RBFOX1: variants seen among roughly 807,000 people sequenced by gnomAD.
RBFOX1 encodes the protein RNA binding fox-1 homolog 1.
Under a neutral mutation model 57.7 loss-of-function variants are expected in RBFOX1, and 8 were observed. The observed-to-expected ratio is 0.14, with a 90% CI of 0.08 to 0.25. RBFOX1 has a LOEUF of 0.25. Ranked by LOEUF, RBFOX1 falls within the 10% of genes least tolerant of loss-of-function variation. The probability of loss-of-function intolerance (pLI) is 1.00; values close to 1 mark genes in which losing one functional copy is unlikely to be tolerated. For synonymous variants in RBFOX1, 326 were observed against 222.4 expected, an observed-to-expected ratio of 1.47 and a Z score of -4.15; for missense variants, 611 against 548.5, an observed-to-expected ratio of 1.11 and a Z score of -1.14.
At chr16:6,763,748 C>T (rs2076952853) in intron 3 of RBFOX1, among the ~76,000 whole-genome samples, 1 of 152,216 alleles carries the variant, frequency 6.6e-6, no homozygotes, top group East Asian at 1.9e-4. Context: ...TCCAAAACCA[C>T]TGGACGGATT....
chr16:7,078,357 T>G (rs2153791582), intron 4 of RBFOX1, among the ~76,000 whole-genome samples: 1 of 152,286 alleles, frequency 6.6e-6, no homozygotes, highest in African/African-American at 2.4e-5. Flanking sequence ...TATACTTTAT[T>G]TATTTATTTA....
intron 3 of RBFOX1, among the ~76,000 whole-genome samples, chr16:6,735,885 T>G (rs1422618989): frequency 6.6e-6 from 1 of 151,974 alleles, no homozygotes; most frequent in Non-Finnish European, 1.5e-5. Context: ...CCTCTGGAAA[T>G]AAGCAGATGG....
chr16:7,319,063 T>C (rs2096496072), intron 4 of RBFOX1, among the ~76,000 whole-genome samples: 1 of 152,152 alleles, frequency 6.6e-6, no homozygotes. Context: ...CCAGTGCCAA[T>C]TTTTTTCTTC....
chr16:6,389,679 C>G (rs1240839784), intron 2 of RBFOX1, among the ~76,000 whole-genome samples: 1 of 152,140 alleles, frequency 6.6e-6, no homozygotes, highest in Admixed American at 6.5e-5. Context: ...GTAGGTTTTT[C>G]TCAGTGCTAA....
intron 2 of RBFOX1, among the ~76,000 whole-genome samples, chr16:6,446,547 A>C (rs1024422250): frequency 6.6e-6 from 1 of 152,182 alleles, no homozygotes; most frequent in African/African-American, 2.4e-5. Context: ...TCTGTATTCA[A>C]GTGATGAATG....
intron 3 of RBFOX1, among the ~76,000 whole-genome samples, chr16:5,639,774 G>C (rs536793897): frequency 6.8e-4 from 103 of 152,330 alleles, no homozygotes; most frequent in African/African-American, 2.5e-3. Context: ...GTCTGGCAAA[G>C]AGTGGGTGTG....
intron 2 of RBFOX1, among the ~76,000 whole-genome samples, chr16:6,456,132 G>C (rs2094765839): frequency 6.6e-6 from 1 of 152,140 alleles, no homozygotes; most frequent in African/African-American, 2.4e-5. Flanking sequence ...TCTGTTGCTG[G>C]GGTTTTGATA....
chr16:5,634,886 A>C (rs927311869), intron 3 of RBFOX1, among the ~76,000 whole-genome samples: 1 of 152,168 alleles, frequency 6.6e-6, no homozygotes, highest in Non-Finnish European at 1.5e-5. Flanking sequence ...TTTACTCACA[A>C]GTGTTTATAT....
chr16:6,849,428 G>T (rs1376521346), intron 3 of RBFOX1, among the ~76,000 whole-genome samples: 1 of 152,200 alleles, frequency 6.6e-6, no homozygotes, highest in Non-Finnish European at 1.5e-5. Flanking sequence ...TAACACTTGG[G>T]AGGCTGAGGC....
At chr16:6,924,292 C>T (rs1307869245) in intron 3 of RBFOX1, among the ~76,000 whole-genome samples, 3 of 152,116 alleles carry the variant, frequency 2.0e-5, no homozygotes, top group Non-Finnish European at 4.4e-5. Context: ...AGCATCTGCT[C>T]TGCTTCTGGT....
chr16:7,030,382 A>G (rs1432306672), intron 3 of RBFOX1, among the ~76,000 whole-genome samples: 2 of 152,316 alleles, frequency 1.3e-5, no homozygotes, highest in East Asian at 3.9e-4. Context: ...TTAAAACAAC[A>G]GAAGTTTATT....
At chr16:5,943,922 C>G (rs745421495) in intron 4 of RBFOX1, among the ~76,000 whole-genome samples, 8 of 151,926 alleles carry the variant, frequency 5.3e-5, no homozygotes, top group East Asian at 1.9e-4. Context: ...TCCACTCCTC[C>G]TCTGTCTTTC....
chr16:6,312,862 C>G (rs538592825), intron 1 of RBFOX1, among the ~76,000 whole-genome samples: 2 of 152,142 alleles, frequency 1.3e-5, no homozygotes, highest in East Asian at 1.9e-4. Context: ...AAATAGTGAG[C>G]AAAACCCACA....
intron 1 of RBFOX1, among the ~76,000 whole-genome samples, chr16:5,368,816 ATTCT>A (rs1283411829): frequency 1.3e-4 from 19 of 151,956 alleles, no homozygotes; most frequent in African/African-American, 4.6e-4. Flanking sequence ...CTCCTTGTTT[ATTCT>A]GAGACCTCCA....
At chr16:6,174,542 C>T (rs544910601) in intron 1 of RBFOX1, among the ~76,000 whole-genome samples, 16 of 152,264 alleles carry the variant, frequency 1.1e-4, no homozygotes, top group African/African-American at 3.4e-4. Flanking sequence ...CTTCAGTGAG[C>T]TGTGATCATG....
At chr16:5,402,840 G>A (rs778163597) in intron 1 of RBFOX1, among the ~76,000 whole-genome samples, 5 of 151,940 alleles carry the variant, frequency 3.3e-5, no homozygotes, top group African/African-American at 4.8e-5. Flanking sequence ...CCCTCCAACC[G>A]TCCATCCAAT....
intron 2 of RBFOX1, among the ~76,000 whole-genome samples, chr16:6,456,364 A>G (rs927805991): frequency 5.3e-5 from 8 of 152,070 alleles, no homozygotes; most frequent in Admixed American, 5.2e-4. Context: ...GCTGGAGTGC[A>G]TTGGCATGGT....
chr16:7,240,939 G>C (rs1178674341), intron 4 of RBFOX1, among the ~76,000 whole-genome samples: 2 of 152,150 alleles, frequency 1.3e-5, no homozygotes, highest in Non-Finnish European at 2.9e-5. Context: ...AGCACAAAAA[G>C]TTTCTAACTT....
chr16:7,301,365 C>A (rs753565072), intron 4 of RBFOX1, among the ~76,000 whole-genome samples: 1 of 152,078 alleles, frequency 6.6e-6, no homozygotes, highest in African/African-American at 2.4e-5. Context: ...GAGCAGAGCC[C>A]GACTCCAAAT....
Sources: gnomAD v4.1 joint callset for allele counts (sites outside exome capture counted in the v4.1 genomes callset) on GRCh38, gnomAD v4.1.1 for gene constraint, MANE v1.5 for transcripts, NCBI Gene and HGNC (gene_info 2026-07-23, HGNC 2026-07-21) for gene names.